SLC38A5: variants seen among roughly 807,000 people sequenced by gnomAD.
The protein encoded by SLC38A5 is solute carrier family 38 member 5.
In SLC38A5, 9 loss-of-function variants were observed where a neutral mutation model predicts 34.6. The ratio of observed to expected loss-of-function variants is 0.26; its 90% CI spans 0.16 to 0.45. SLC38A5 has a LOEUF of 0.45. SLC38A5 is among the 20% of genes least tolerant of loss of function. SLC38A5 has a pLI of 1.00. For missense variants in SLC38A5, 253 were observed against 394.7 expected (o/e 0.64, Z 3.04); for synonymous variants, 157 against 155.6 (o/e 1.01, Z -0.07).
chrX:48,469,137 C>A, intron 2 of SLC38A5, 198 bp downstream of exon 2: 5 of 459,125 alleles, frequency 1.1e-5, no homozygotes, highest in Non-Finnish European at 1.4e-5. Context: ...CCACCAGCAC[C>A]CTCCGGAGCC....
At chrX:48,459,083 T>A (rs1394975760) in intron 16 of SLC38A5, 49 bp from the exon 17 acceptor site, 1 of 1,119,660 alleles carries the variant, frequency 8.9e-7, no homozygotes. Context: ...CCTCACCCAG[T>A]TGCCTTCTGA....
At chrX:48,467,606 G>A (rs1339318431) in intron 4 of SLC38A5, 104 bp downstream of exon 4, 2 of 816,435 alleles carry the variant, frequency 2.4e-6, no homozygotes, top group Admixed American at 5.3e-5. Flanking sequence ...AGATAGCTGG[G>A]CAGGGGAACA....
rs782356023 is a variant in SLC38A5 at position 48,466,276 on chromosome X, C to T, written c.366G>A (p.Ala122=). 3.3e-6 allele frequency: 4 copies of T among 1,204,411 alleles called. No individual in the cohort carries two copies. Among genetic ancestry groups the T allele is most frequent in the African/African-American group, 1.8e-5 (1 of 56,798 alleles). ...TGACTGTGGCCACCACTACCTTCCC[C>T]GCAGGCCCGAATGCCCTCTGTCCCA... ...EQLGQRAFGP[A]GKVVVATVIC... Residue 122 remains alanine (A), a synonymous_variant, in exon 7 of 17, where the codon GCG becomes GCA. Transcript: ENST00000620913.
intron 6 of SLC38A5, 137 bp downstream of exon 6, chrX:48,466,662 C>T (rs868917588): frequency 4.3e-5 from 29 of 666,758 alleles, no homozygotes; most frequent in South Asian, 2.5e-4. Context: ...GTGCTGGGTC[C>T]GGGATCTGGG....
rs2061438945 is a variant in SLC38A5 at position 48,462,157 on chromosome X, G to A, written c.634-13C>T. ...TCTTGTAGATGACCTGAGGATGGGGGCAGCAGGGAAGCCAGGTCATGGAGG... is the reference window on the plus strand; with the variant it reads ...TCTTGTAGATGACCTGAGGATGGGGACAGCAGGGAAGCCAGGTCATGGAGG... On this transcript the variant is annotated splice_polypyrimidine_tract_variant and intron_variant, in intron 10 of 16. Transcript: ENST00000620913. The A allele has an allele frequency of 8.3e-7, 1 of 1,207,863 alleles. No homozygotes were observed. The highest frequency in any genetic ancestry group is 1.8e-5 in the South Asian group (1 of 56,611).
chrX:48,459,352 C>G, intron 16 of SLC38A5, 184 bp downstream of exon 16: 1 of 463,394 alleles, frequency 2.2e-6, no homozygotes, highest in African/African-American at 2.4e-5. Flanking sequence ...TCTTCCTGGA[C>G]CCTGCTGGTG....
intron 4 of SLC38A5, chrX:48,467,367 G>A (rs1402799423): frequency 4.8e-6 from 2 of 416,772 alleles, no homozygotes; most frequent in Non-Finnish European, 8.3e-6. Flanking sequence ...AACAGCTGGG[G>A]AGGGGAGACG....
intron 2 of SLC38A5, chrX:48,468,252 T>C: frequency 1.1e-6 from 1 of 928,836 alleles, no homozygotes; most frequent in Non-Finnish European, 1.3e-6. Flanking sequence ...CCAGCGCAGA[T>C]GAGCCGACCA....
chrX:48,461,785 C>G lies in SLC38A5; in HGVS notation c.784G>C (p.Val262Leu). 1 of 1,209,483 alleles carries G rather than the reference C, an allele frequency of 8.3e-7. No homozygotes were observed. Among genetic ancestry groups the G allele is most frequent in the Middle Eastern group, 2.3e-4 (1 of 4,346 alleles). ...FTVDSQMSYT[V>L]PIMAFAFVCH... is the part of the protein sequence containing the mutation. ...ACAAAAGCAAAAGCCATAATGGGCACTGTGTAGGACATCTAGGGGAATGCC... is the reference window on the plus strand; with the variant it reads ...ACAAAAGCAAAAGCCATAATGGGCAGTGTGTAGGACATCTAGGGGAATGCC... Residue 262 changes from valine (V) to leucine (L), a missense_variant, in exon 12 of 17, where the codon GTG becomes CTG. By Grantham distance (32) the Val-to-Leu change is conservative (BLOSUM62 1). Coordinates refer to ENST00000620913, the MANE Select transcript of SLC38A5 (RefSeq NM_033518.4).
At chrX:48,461,978 T>C (rs782662219) in intron 11 of SLC38A5, 29 bp downstream of exon 11, 5 of 1,145,895 alleles carry the variant, frequency 4.4e-6, no homozygotes, top group Admixed American at 5.5e-5. Context: ...CTGAGTGTGA[T>C]GCAATCTCCT....
chrX:48,465,896 A>G lies in SLC38A5; in HGVS notation c.491+119T>C. ...TCAGTCTGACCCAAGTGGCCTGCCC[A>G]GCAGTCTCAAACTAGAACATCTGGA... is the stretch of plus-strand genomic sequence containing the variant. On this transcript the variant is annotated intron_variant, in intron 8 of 16. Transcript: ENST00000620913. The G allele has an allele frequency of 6.4e-6, 4 of 621,988 alleles. 1 individual carries two copies. The highest frequency in any genetic ancestry group is 9.6e-6 in the Non-Finnish European group (4 of 416,475). 51.3% of individuals were successfully genotyped at this position (621,988 alleles called of 1,213,427 possible).
In SLC38A5 at chrX:48,459,065, T is replaced by A. The variant is rs1556961311; in HGVS notation, c.1318-31A>T. The A allele has an allele frequency of 2.1e-5, 24 of 1,151,562 alleles. 1 individual carries two copies. The highest frequency in any genetic ancestry group is 2.8e-5 in the Non-Finnish European group (24 of 860,369). 94.9% of individuals were successfully genotyped at this position (1,151,562 alleles called of 1,213,427 possible). A position where few individuals can be genotyped will look rare whatever the true frequency, so the allele number is the denominator to read the frequency against. ...GGCCAGAGAGACAAGATGGGGCTGG[T>A]TGGGACTCCTCACCCAGTTGCCTTC... is the stretch of plus-strand genomic sequence containing the variant. On this transcript the variant is annotated intron_variant, in intron 16 of 16. Coordinates refer to ENST00000620913, the MANE Select transcript of SLC38A5 (RefSeq NM_033518.4).
At chrX:48,466,713 G>C (rs2061479559) in intron 6 of SLC38A5, 86 bp downstream of exon 6, 1 of 1,019,835 alleles carries the variant, frequency 9.8e-7, no homozygotes, top group Non-Finnish European at 1.4e-6. Flanking sequence ...TGGGGTCCAA[G>C]GTCTGTGTTG....
chrX:48,467,443 C>T, intron 4 of SLC38A5: 1 of 424,582 alleles, frequency 2.4e-6, no homozygotes, highest in South Asian at 3.6e-5. Flanking sequence ...AGGAGAAAGG[C>T]AGGCCGGGAG....
chrX:48,465,174 TGCACATGCCCCCC>T (rs1272508084), intron 8 of SLC38A5, among the ~76,000 whole-genome samples: 1 of 111,776 alleles, frequency 8.9e-6, no homozygotes, highest in African/African-American at 3.3e-5. Flanking sequence ...AGTCCCATCG[TGCACATGCCCCCC>T]ACACATACCA....
rs978790181 is a variant in SLC38A5, at chrX:48,468,814, G to A, written c.-2+521C>T. ...GTGGGGTGTCTCAGGAACCTGGCCC[G>A]AGCCCTCATTTCCCTCCGGAGGAAG... On this transcript the variant is annotated intron_variant, in intron 2 of 16. Transcript: ENST00000620913. 10 of 640,006 alleles carry A rather than the reference G, an allele frequency of 1.6e-5. No homozygotes were observed. In the Middle Eastern group the frequency reaches 2.7e-3, roughly 174 times the overall value. The allele number at this position is 640,006 out of a possible 1,213,427, so 52.7% of individuals were successfully genotyped here.
chrX:48,459,927 C>A (rs1354076616), intron 14 of SLC38A5, 51 bp from the exon 15 acceptor site: 1 of 1,168,217 alleles, frequency 8.6e-7, no homozygotes, highest in Non-Finnish European at 1.1e-6. Context: ...TGCTGCCCCC[C>A]TTCCACGTGA....
At chrX:48,460,452 GCTAT>G (rs2061426346) in intron 14 of SLC38A5, among the ~76,000 whole-genome samples, 193 bp downstream of exon 14, 1 of 111,362 alleles carries the variant, frequency 9.0e-6, no homozygotes, top group Non-Finnish European at 1.9e-5. Flanking sequence ...TCTCTCTCCT[GCTAT>G]CTATGTCCTC....
At chrX:48,461,834 CAG>C in intron 11 of SLC38A5, 37 bp from the exon 12 acceptor site, 1 of 1,183,087 alleles carries the variant, frequency 8.5e-7, no homozygotes, top group Non-Finnish European at 1.1e-6. Context: ...TTAGAGCCAA[CAG>C]GGGTCCATCC....
Sources: allele counts gnomAD v4.1 joint callset (sites outside exome capture counted in the v4.1 genomes callset), GRCh38; gene constraint gnomAD v4.1.1; transcripts MANE v1.5; gene names NCBI Gene and HGNC (gene_info 2026-07-23, HGNC 2026-07-21).